Variants in CDH12 observed in about 807,000 individuals in gnomAD.
CDH12 encodes the protein cadherin-12.
CDH12 carries 41 observed loss-of-function variants against 74.1 expected under a neutral mutation model. That is an observed-to-expected ratio of 0.55 (90% CI 0.43 to 0.72). CDH12 has a LOEUF of 0.72. Ranked by LOEUF, CDH12 falls within the 30% of genes least tolerant of loss-of-function variation. The pLI is 0.00. For synonymous variants in CDH12, 399 were observed against 355.0 expected, an observed-to-expected ratio of 1.12 and a Z score of -1.39; for missense variants, 945 against 977.2, an observed-to-expected ratio of 0.97 and a Z score of 0.44.
intron 5 of CDH12, among the ~76,000 whole-genome samples, chr5:21,991,161 A>G (rs1277184294): frequency 1.3e-5 from 2 of 151,882 alleles, no homozygotes; most frequent in Non-Finnish European, 2.9e-5. Context: ...ACTAGAAAAC[A>G]CAATTTAGTA....
chr5:22,559,950 C>T (rs1217517488), intron 1 of CDH12, among the ~76,000 whole-genome samples: 3 of 152,064 alleles, frequency 2.0e-5, no homozygotes, highest in Non-Finnish European at 4.4e-5. Flanking sequence ...TGAAGCAATG[C>T]CCTTTAGTCC....
chr5:22,049,586 T>A (rs1740207585), intron 5 of CDH12, among the ~76,000 whole-genome samples: 1 of 152,148 alleles, frequency 6.6e-6, no homozygotes, highest in African/African-American at 2.4e-5. Context: ...TCCATTTCAA[T>A]CCAAACATAC....
chr5:21,887,620 T>C (rs956573349), intron 6 of CDH12, among the ~76,000 whole-genome samples: 7 of 152,182 alleles, frequency 4.6e-5, no homozygotes, highest in Admixed American at 1.3e-4. Flanking sequence ...CTTCTTCCAA[T>C]TGAACATACC....
intron 1 of CDH12, among the ~76,000 whole-genome samples, chr5:22,682,151 A>G (rs2126930467): frequency 6.6e-6 from 1 of 152,214 alleles, no homozygotes; most frequent in African/African-American, 2.4e-5. Context: ...GGTTTACGCA[A>G]TGTGCTAGAA....
At chr5:21,845,666 A>G (rs1750128049) in intron 7 of CDH12, among the ~76,000 whole-genome samples, 1 of 149,994 alleles carries the variant, frequency 6.7e-6, no homozygotes, top group Non-Finnish European at 1.5e-5. Context: ...GTTTTGTTGC[A>G]TGTTTTGATT....
intron 6 of CDH12, among the ~76,000 whole-genome samples, chr5:21,906,993 TAG>T (rs1753670224): frequency 6.6e-6 from 1 of 152,152 alleles, no homozygotes; most frequent in African/African-American, 2.4e-5. Context: ...TCTGTCTTGG[TAG>T]AGCCCAGCTC....
intron 5 of CDH12, among the ~76,000 whole-genome samples, chr5:21,990,995 T>C (rs1248793097): frequency 6.6e-6 from 1 of 151,684 alleles, no homozygotes; most frequent in Non-Finnish European, 1.5e-5. Flanking sequence ...TGAATCTATG[T>C]TCAGAGAATT....
intron 5 of CDH12, among the ~76,000 whole-genome samples, chr5:22,063,275 T>C (rs749713336): frequency 2.0e-5 from 3 of 152,180 alleles, no homozygotes; most frequent in African/African-American, 4.8e-5. Flanking sequence ...ACCTCATATA[T>C]GTATTTATAA....
At chr5:21,781,543 G>A (rs1363412106) in intron 11 of CDH12, among the ~76,000 whole-genome samples, 1 of 151,998 alleles carries the variant, frequency 6.6e-6, no homozygotes, top group Non-Finnish European at 1.5e-5. Flanking sequence ...GGCCAAGATG[G>A]TGAAACCCTG....
chr5:21,923,016 G>A (rs1048140849), intron 6 of CDH12, among the ~76,000 whole-genome samples: 7 of 151,302 alleles, frequency 4.6e-5, no homozygotes, highest in South Asian at 2.1e-4. Context: ...ACGCACCCAC[G>A]TACACACTCT....
chr5:22,695,510 A>G (rs1369485727), intron 1 of CDH12, among the ~76,000 whole-genome samples: 1 of 152,206 alleles, frequency 6.6e-6, no homozygotes, highest in African/African-American at 2.4e-5. Flanking sequence ...AAAACAAGCA[A>G]TGGGGAAAGG....
chr5:22,306,454 A>C (rs947923606), intron 3 of CDH12, among the ~76,000 whole-genome samples: 5 of 152,232 alleles, frequency 3.3e-5, no homozygotes, highest in African/African-American at 1.2e-4. Flanking sequence ...CAGCTAGTTA[A>C]AAATGACATA....
At chr5:21,906,181 T>C (rs574791336) in intron 6 of CDH12, among the ~76,000 whole-genome samples, 10 of 152,218 alleles carry the variant, frequency 6.6e-5, no homozygotes, top group Non-Finnish European at 1.0e-4. Flanking sequence ...AATAGATTAG[T>C]TTCTTGAAAT....
chr5:22,269,193 A>G (rs1736273120), intron 3 of CDH12, among the ~76,000 whole-genome samples: 1 of 152,162 alleles, frequency 6.6e-6, no homozygotes, highest in East Asian at 1.9e-4. Context: ...TTTTGTTTTA[A>G]TCAATATTAT....
chr5:22,591,471 A>C (rs1254007092), intron 1 of CDH12, among the ~76,000 whole-genome samples: 1 of 152,212 alleles, frequency 6.6e-6, no homozygotes, highest in Non-Finnish European at 1.5e-5. Flanking sequence ...AAATCCATTT[A>C]TAGCTGTGAA....
rs146012778 is a variant in CDH12 at position 22,057,547 on chromosome 5, C to G, written c.231+20899G>C. The stretch of plus-strand genomic sequence containing the variant: ...GGGGGTGAGGGATGGGGGAAAGGAA[C>G]AGACTCGCGGAAGGGAGTGAACTCT... On this transcript the variant is annotated intron_variant, in intron 5 of 14. Transcript: ENST00000382254. Among the ~76,000 whole-genome samples, 914 of 152,218 alleles carry G rather than the reference C, an allele frequency of 6.0e-3. 2 individuals are homozygous for G. Among genetic ancestry groups the G allele is most frequent in the African/African-American group, 0.021 (879 of 41,546 alleles).
At position 22,205,389 on chromosome 5, in the gene CDH12, T is replaced by C. The variant is rs574980032; in HGVS notation, c.-187+7109A>G. 1.2e-4 allele frequency among the ~76,000 whole-genome samples: 18 copies of C among 152,256 alleles called. 1 individual carries two copies. In the South Asian group the frequency reaches 3.7e-3, roughly 32 times the overall value. On this transcript the variant is annotated intron_variant, in intron 4 of 14. Coordinates refer to ENST00000382254, the MANE Select transcript of CDH12 (RefSeq NM_004061.5). ...AATAAATTTAAAAGAATATGGTTGATAAGATTTTAAACATTACAGAAGAAA... is the reference window on the plus strand; with the variant it reads ...AATAAATTTAAAAGAATATGGTTGACAAGATTTTAAACATTACAGAAGAAA...
At chr5:22,140,185 C>A in intron 4 of CDH12, among the ~76,000 whole-genome samples, 1 of 151,894 alleles carries the variant, frequency 6.6e-6, no homozygotes, top group East Asian at 1.9e-4. Context: ...TAATTTTTGC[C>A]GAGTGCTATT....
chr5:22,501,906 A>T (rs1736174268), intron 2 of CDH12, among the ~76,000 whole-genome samples: 1 of 151,954 alleles, frequency 6.6e-6, no homozygotes, highest in Admixed American at 6.6e-5. Context: ...TCACCTCATC[A>T]CTGCTGAAAG....
Sources: gnomAD v4.1 joint callset for allele counts (sites outside exome capture counted in the v4.1 genomes callset) on GRCh38, gnomAD v4.1.1 for gene constraint, MANE v1.5 for transcripts, NCBI Gene and HGNC (gene_info 2026-07-23, HGNC 2026-07-21) for gene names.